Variants in GRID2 observed in about 807,000 individuals in gnomAD.
GRID2 encodes the protein glutamate ionotropic receptor delta type subunit 2.
In GRID2, 33 loss-of-function variants were observed where a neutral mutation model predicts 114.8. The ratio of observed to expected loss-of-function variants is 0.29; its 90% CI spans 0.22 to 0.38. GRID2 has a LOEUF of 0.38. GRID2 is among the 10% of genes least tolerant of loss of function. The pLI is 1.00. For missense variants in GRID2, 1,184 were observed against 1,257.7 expected (o/e 0.94, Z 0.89); for synonymous variants, 505 against 449.9 (o/e 1.12, Z -1.55).
intron 13 of GRID2, among the ~76,000 whole-genome samples, chr4:93,530,439 C>A (rs73839565): frequency 6.6e-6 from 1 of 152,128 alleles, no homozygotes; most frequent in African/African-American, 2.4e-5. Flanking sequence ...AACCAAGTTG[C>A]TGGCTTTGTC....
intron 8 of GRID2, among the ~76,000 whole-genome samples, chr4:93,262,008 A>G (rs1750306583): frequency 6.6e-6 from 1 of 151,694 alleles, no homozygotes; most frequent in Non-Finnish European, 1.5e-5. Flanking sequence ...TTATCCGTCC[A>G]GCTTCTGGCT....
At chr4:93,714,588 A>G (rs766156354) in intron 14 of GRID2, among the ~76,000 whole-genome samples, 2 of 152,144 alleles carry the variant, frequency 1.3e-5, no homozygotes, top group Non-Finnish European at 2.9e-5. Context: ...CCTCACCAGC[A>G]TCTGTTGTTT....
At chr4:92,981,511 G>A (rs568523331) in intron 2 of GRID2, among the ~76,000 whole-genome samples, 22 of 152,078 alleles carry the variant, frequency 1.4e-4, no homozygotes, top group African/African-American at 5.1e-4. Context: ...TTAATCAAGG[G>A]CAGAGAGATT....
At chr4:92,481,774 A>C (rs374404775) in intron 1 of GRID2, among the ~76,000 whole-genome samples, 4 of 151,666 alleles carry the variant, frequency 2.6e-5, no homozygotes, top group East Asian at 3.9e-4. Flanking sequence ...ATAGCACAGA[A>C]TCTGTAAATT....
intron 2 of GRID2, among the ~76,000 whole-genome samples, chr4:92,651,466 A>G (rs1484188580): frequency 6.6e-6 from 1 of 152,092 alleles, no homozygotes; most frequent in Admixed American, 6.6e-5. Context: ...GCCTGGGGAA[A>G]GAGACTGACT....
At chr4:93,808,022 G>T (rs1428776357) in exon 2 of GRID2, 1 of 152,134 alleles carries the variant, frequency 6.6e-6, no homozygotes, top group African/African-American at 2.4e-5. Flanking sequence ...GATCTATTAT[G>T]CCAAAGCAAC....
chr4:93,752,382 T>TTATTTATTTATC, intron 14 of GRID2, among the ~76,000 whole-genome samples: 1 of 152,094 alleles, frequency 6.6e-6, no homozygotes, highest in South Asian at 2.1e-4. Flanking sequence ...ATTTATTTAT[T>TTATTTATTTATC]TATTTTGAGA....
chr4:92,695,338 C>T (rs1442172102), intron 2 of GRID2, among the ~76,000 whole-genome samples: 1 of 151,858 alleles, frequency 6.6e-6, no homozygotes, highest in Non-Finnish European at 1.5e-5. Context: ...TTTATATCTC[C>T]TCTTTTTATT....
chr4:93,024,327 A>G (rs1723678290), intron 2 of GRID2, among the ~76,000 whole-genome samples: 1 of 151,780 alleles, frequency 6.6e-6, no homozygotes, highest in South Asian at 2.1e-4. Context: ...GTTAGGAATA[A>G]TATTGATTCT....
At chr4:93,237,111 C>T (rs898249849) in intron 7 of GRID2, among the ~76,000 whole-genome samples, 2 of 151,646 alleles carry the variant, frequency 1.3e-5, no homozygotes, top group African/African-American at 4.8e-5. Flanking sequence ...TAGTAGATCC[C>T]GAAGCCATTG....
At chr4:93,025,546 C>T (rs1723803434) in intron 2 of GRID2, among the ~76,000 whole-genome samples, 3 of 151,568 alleles carry the variant, frequency 2.0e-5, no homozygotes, top group Admixed American at 2.0e-4. Flanking sequence ...GGATTTAAGC[C>T]AGGCAATATG....
At chr4:93,654,180 C>T (rs966390319) in intron 14 of GRID2, among the ~76,000 whole-genome samples, 1 of 152,100 alleles carries the variant, frequency 6.6e-6, no homozygotes, top group Admixed American at 6.6e-5. Flanking sequence ...CTGCATTTAT[C>T]TTCTTAAACC....
intron 2 of GRID2, among the ~76,000 whole-genome samples, chr4:92,952,097 A>G (rs1379115216): frequency 1.3e-5 from 2 of 152,200 alleles, no homozygotes; most frequent in Non-Finnish European, 2.9e-5. Context: ...TCAAAGGGTA[A>G]ATGCATTCAT....
At chr4:93,291,764 C>T (rs577729194) in intron 8 of GRID2, among the ~76,000 whole-genome samples, 6 of 151,980 alleles carry the variant, frequency 3.9e-5, no homozygotes, top group African/African-American at 1.2e-4. Context: ...TGTGTGTGCA[C>T]GTGTTTTCTT....
chr4:92,794,874 TTATATATATATATA>T (rs34559735), intron 2 of GRID2, among the ~76,000 whole-genome samples: 1,173 of 106,036 alleles, frequency 0.011, 9 homozygotes, highest in Non-Finnish European at 0.015. Flanking sequence ...AATAATTGTT[TTATATATATATATA>T]TATATATATA....
At chr4:92,952,883 C>A (rs189962055) in intron 2 of GRID2, among the ~76,000 whole-genome samples, 1 of 152,208 alleles carries the variant, frequency 6.6e-6, no homozygotes, top group East Asian at 1.9e-4. Context: ...GCTCTTAGAG[C>A]GAGAAGTGAA....
chr4:93,136,467 A>T (rs1735261497), intron 4 of GRID2, among the ~76,000 whole-genome samples: 1 of 152,150 alleles, frequency 6.6e-6, no homozygotes, highest in Non-Finnish European at 1.5e-5. Context: ...ACAATCCTGA[A>T]GATCAATGAG....
intron 11 of GRID2, among the ~76,000 whole-genome samples, chr4:93,488,893 C>T (rs1726687943): frequency 6.6e-6 from 1 of 151,926 alleles, no homozygotes; most frequent in Admixed American, 6.6e-5. Context: ...AGAATCCATG[C>T]TTACAATCTC....
intron 2 of GRID2, among the ~76,000 whole-genome samples, chr4:92,922,867 T>C (rs1321890038): frequency 6.6e-6 from 1 of 152,178 alleles, no homozygotes; most frequent in Admixed American, 6.5e-5. Context: ...CTGTTAGACG[T>C]TAGAATAGGG....
Sources: allele counts gnomAD v4.1 joint callset (sites outside exome capture counted in the v4.1 genomes callset), GRCh38; gene constraint gnomAD v4.1.1; transcripts MANE v1.5; gene names NCBI Gene and HGNC (gene_info 2026-07-23, HGNC 2026-07-21).